Variants in PRAMEF20 observed in about 807,000 individuals in gnomAD.
PRAMEF20 encodes PRAME family member 20/21.
PRAMEF20 carries 27 observed loss-of-function variants against 32.4 expected under a neutral mutation model. The observed-to-expected ratio is 0.83, with a 90% CI of 0.61 to 1.15. The LOEUF is 1.15. Among genes scored for constraint, PRAMEF20 ranks in the 50% most tolerant of loss-of-function variants. The probability of loss-of-function intolerance (pLI) is 0.00; values close to 1 mark genes in which losing one functional copy is unlikely to be tolerated. For missense variants in PRAMEF20, 604 were observed against 584.5 expected (o/e 1.03, Z -0.34); for synonymous variants, 256 against 235.4 (o/e 1.09, Z -0.80).
At chr1:13,420,967 C>T in exon 3 of PRAMEF20, 3 of 1,613,718 alleles carry the variant, frequency 1.9e-6, no homozygotes, top group African/African-American at 1.3e-5. Flanking sequence ...GCTTTGAGCT[C>T]ACCACCTTCA....
chr1:13,417,903 G>A (rs1174583306), intron 1 of PRAMEF20, among the ~76,000 whole-genome samples: 3 of 71,484 alleles, frequency 4.2e-5, no homozygotes, highest in Non-Finnish European at 6.4e-5. Context: ...CACCACGCCC[G>A]GCTAATTTGT....
intron 2 of PRAMEF20, 72 bp downstream of exon 3, chr1:13,418,772 G>A (rs1641212177): frequency 6.2e-6 from 10 of 1,606,158 alleles, no homozygotes; most frequent in Non-Finnish European, 8.5e-6. Flanking sequence ...CATCTACTGT[G>A]AGCCAGCCTA....
intron 1 of PRAMEF20, among the ~76,000 whole-genome samples, chr1:13,417,214 C>T (rs1451885036): frequency 2.0e-5 from 3 of 152,084 alleles, no homozygotes; most frequent in African/African-American, 7.2e-5. Context: ...CTTTTATTCC[C>T]TTATGGTCCC....
upstream of PRAMEF20, among the ~76,000 whole-genome samples, chr1:13,412,049 T>C (rs1244069310): frequency 3.5e-5 from 5 of 144,208 alleles, no homozygotes; most frequent in African/African-American, 1.3e-4. Context: ...TATTTATTTA[T>C]TTAATTTAAT....
At chr1:13,411,354 T>C (rs1448029585), upstream of PRAMEF20, among the ~76,000 whole-genome samples, 2 of 147,544 alleles carry the variant, frequency 1.4e-5, no homozygotes, top group Admixed American at 6.8e-5. Flanking sequence ...CGCCAAAATA[T>C]ATCTTATGCA....
At chr1:13,418,574 T>C in exon 2 of PRAMEF20, 2 of 1,613,676 alleles carry the variant, frequency 1.2e-6, no homozygotes, top group Non-Finnish European at 1.7e-6. Context: ...TCTCGCTACA[T>C]TTCCCCAGAG....
chr1:13,416,705 C>A, intron 1 of PRAMEF20, 64 bp downstream of exon 2: 2 of 1,612,398 alleles, frequency 1.2e-6, no homozygotes, highest in South Asian at 2.2e-5. Context: ...ACAGCTGGGT[C>A]ATGAGGAGTG....
rs1310384193 is a variant in PRAMEF20, at chr1:13,420,455, C to T, written c.867-242C>T. Among the ~76,000 whole-genome samples the T allele has an allele frequency of 5.3e-5, 8 of 152,258 alleles. No homozygotes were observed. In the East Asian group the frequency reaches 5.8e-4, roughly 11 times the overall value. On this transcript the variant is annotated intron_variant, in intron 2 of 2. Coordinates refer to ENST00000602960, the Ensembl canonical transcript of PRAMEF20. ...AACTCCTGACCTCCAGTGATCTGCC[C>T]GTCTCAGCTTCCCAAAGTTCTGGGA... is the stretch of plus-strand genomic sequence containing the variant.
chr1:13,417,158 T>C (rs1208531863), intron 1 of PRAMEF20, among the ~76,000 whole-genome samples: 1 of 152,144 alleles, frequency 6.6e-6, no homozygotes, highest in Non-Finnish European at 1.5e-5. Context: ...TTCCACAGCG[T>C]GGAAGGGGAC....
the PRAMEF20 span, chr1:13,410,643 C>G: frequency 3.6e-5 from 5 of 139,150 alleles, no homozygotes; most frequent in African/African-American, 1.4e-4. Context: ...TTTGTATGAA[C>G]AATTTGAAGC....
At chr1:13,412,664 G>A (rs1471933389), upstream of PRAMEF20, among the ~76,000 whole-genome samples, 1 of 151,176 alleles carries the variant, frequency 6.6e-6, no homozygotes, top group Non-Finnish European at 1.5e-5. Context: ...CACTGTAATT[G>A]AATTATCCTA....
exon 3 of PRAMEF20, chr1:13,421,220 T>G: frequency 6.2e-7 from 1 of 1,613,898 alleles, no homozygotes; most frequent in Admixed American, 1.7e-5. Context: ...TGGCAACAGG[T>G]CACTTTACGA....
At chr1:13,411,682 C>T (rs1641115811), upstream of PRAMEF20, among the ~76,000 whole-genome samples, 1 of 152,124 alleles carries the variant, frequency 6.6e-6, no homozygotes, top group Non-Finnish European at 1.5e-5. Flanking sequence ...ATTTTGAGAA[C>T]CACATTCCAT....
chr1:13,410,951 A>C, the PRAMEF20 span, among the ~76,000 whole-genome samples: 17 of 151,974 alleles, frequency 1.1e-4, no homozygotes, highest in African/African-American at 3.9e-4. Flanking sequence ...TCCGCCTCCC[A>C]GGCTCAAGCA....
chr1:13,418,920 T>C (rs936142758), intron 2 of PRAMEF20, among the ~76,000 whole-genome samples: 137 of 152,322 alleles, frequency 9.0e-4, no homozygotes, highest in African/African-American at 3.2e-3. Flanking sequence ...GCTAGGAAGC[T>C]AGCTACTGGA....
At chr1:13,413,835 C>T (rs1286700138), upstream of PRAMEF20, among the ~76,000 whole-genome samples, 1 of 152,130 alleles carries the variant, frequency 6.6e-6, no homozygotes, top group Non-Finnish European at 1.5e-5. Flanking sequence ...CATAAAGACA[C>T]TCCCATCTGA....
At chr1:13,420,872 G>T in exon 3 of PRAMEF20, 1 of 1,613,906 alleles carries the variant, frequency 6.2e-7, no homozygotes, top group Non-Finnish European at 8.5e-7. Context: ...AGAAAAAGTT[G>T]CAGCCACCCT....
chr1:13,419,646 G>A (rs961965492), intron 2 of PRAMEF20, among the ~76,000 whole-genome samples: 2 of 151,818 alleles, frequency 1.3e-5, no homozygotes, highest in Non-Finnish European at 2.9e-5. Context: ...GGATGGTCTC[G>A]ATCTCCTGAC....
At chr1:13,416,731 G>A in intron 1 of PRAMEF20, 90 bp downstream of exon 2, 2 of 1,604,220 alleles carry the variant, frequency 1.2e-6, no homozygotes. Context: ...GTCCAAGGAG[G>A]GCCCACAGGC....
Sources: gnomAD v4.1 joint callset for allele counts (sites outside exome capture counted in the v4.1 genomes callset) on GRCh38, gnomAD v4.1.1 for gene constraint, MANE v1.5 for transcripts, NCBI Gene and HGNC (gene_info 2026-07-23, HGNC 2026-07-21) for gene names.